Variants in TBCD observed in about 807,000 individuals in gnomAD.
TBCD encodes tubulin folding cofactor D, also known as tubulin-specific chaperone D.
Under a neutral mutation model 169.3 loss-of-function variants are expected in TBCD, and 105 were observed. The ratio of observed to expected loss-of-function variants is 0.62; its 90% CI spans 0.53 to 0.73. The LOEUF (loss-of-function observed/expected upper bound fraction) is 0.73, where lower values mean the gene tolerates loss of function less well. Among genes scored for constraint, TBCD ranks in the 30% least tolerant of loss-of-function variants. The pLI is 0.00. For synonymous variants in TBCD, 700 were observed against 643.9 expected (o/e 1.09, Z -1.32); for missense variants, 1,444 against 1,600.1 (o/e 0.90, Z 1.66).
chr17:82,886,559 A>C (rs1291353618), intron 15 of TBCD, among the ~76,000 whole-genome samples: 1 of 148,524 alleles, frequency 6.7e-6, no homozygotes, highest in Admixed American at 6.9e-5. Flanking sequence ...TTCTTCCAGC[A>C]TTTCGTTTGA....
At chr17:82,805,839 T>C in intron 9 of TBCD, 36 bp from the exon 10 acceptor site, 1 of 1,583,424 alleles carries the variant, frequency 6.3e-7, no homozygotes, top group Non-Finnish European at 8.6e-7. Context: ...TGCTGTGAGC[T>C]ACAAAGCTGA....
chr17:82,771,698 C>T (rs776648880), intron 5 of TBCD, among the ~76,000 whole-genome samples: 14 of 152,068 alleles, frequency 9.2e-5, no homozygotes, highest in East Asian at 1.9e-4. Flanking sequence ...GGATTACAGG[C>T]GTGAGCCGCA....
chr17:82,928,187 G>A (rs1475430365), intron 30 of TBCD, among the ~76,000 whole-genome samples, 199 bp downstream of exon 30: 2 of 152,148 alleles, frequency 1.3e-5, no homozygotes, highest in African/African-American at 4.8e-5. Context: ...CGTGAGCTGG[G>A]GCCCATCCTC....
chr17:82,770,400 G>A (rs540879860), intron 5 of TBCD, among the ~76,000 whole-genome samples: 1 of 151,792 alleles, frequency 6.6e-6, no homozygotes, highest in Non-Finnish European at 1.5e-5. Flanking sequence ...AGGAATTCGA[G>A]ACCAGCCTGA....
chr17:82,927,370 A>G, intron 29 of TBCD, 47 bp downstream of exon 29: 1 of 1,584,236 alleles, frequency 6.3e-7, no homozygotes, highest in Non-Finnish European at 8.6e-7. Context: ...AAGCCCATCT[A>G]TTCCGTGGAA....
Position 82,889,968 on chromosome 17 carries a change from G to A in TBCD, c.1563+271G>A, listed in dbSNP as rs1010621803. ...CCACATAATGTGGCTCTGCAGGGTGGGGCGGGTCCCTGGGACCAGCCTGGC... is the reference window on the plus strand; with the variant it reads ...CCACATAATGTGGCTCTGCAGGGTGAGGCGGGTCCCTGGGACCAGCCTGGC... On this transcript the variant is annotated intron_variant, in intron 16 of 38. Coordinates refer to ENST00000355528, the MANE Select transcript of TBCD (RefSeq NM_005993.5). This position sits in a 1 kb window ranked among gnomAD's most constrained non-coding sequence, Gnocchi z 5.3. Among the ~76,000 whole-genome samples, 3 of 152,234 alleles carry A rather than the reference G, an allele frequency of 2.0e-5. No individual in the cohort carries two copies. The highest frequency in any genetic ancestry group is 4.4e-5 in the Non-Finnish European group (3 of 68,034).
chr17:82,941,249 C>T (rs563513796), intron 37 of TBCD, 150 bp from the exon 38 acceptor site: 64 of 637,666 alleles, frequency 1.0e-4, no homozygotes, highest in African/African-American at 7.6e-4. Flanking sequence ...GCTCCTGTGA[C>T]GTCTTTTCTG....
At chr17:82,936,818 C>T (rs961599686) in intron 34 of TBCD, among the ~76,000 whole-genome samples, 1 of 152,224 alleles carries the variant, frequency 6.6e-6, no homozygotes, top group Non-Finnish European at 1.5e-5. Flanking sequence ...CAGCCCTTGT[C>T]CCTGCTGCCA....
chr17:82,761,098 T>C (rs1261585382), intron 2 of TBCD, among the ~76,000 whole-genome samples: 1 of 152,116 alleles, frequency 6.6e-6, no homozygotes, highest in African/African-American at 2.4e-5. Context: ...TAGCTGGGAT[T>C]ACAGGCGCCA....
rs570190667 is a variant in TBCD at position 82,833,716 on chromosome 17, T to G, written c.1318+18782T>G. 1.5e-3 allele frequency among the ~76,000 whole-genome samples: 230 copies of G among 152,168 alleles called. 1 individual carries two copies. Among genetic ancestry groups the G allele is most frequent in the African/African-American group, 5.4e-3 (225 of 41,518 alleles). On this transcript the variant is annotated intron_variant, in intron 13 of 38. Coordinates refer to ENST00000355528, the MANE Select transcript of TBCD (RefSeq NM_005993.5). This position sits in a 1 kb window ranked among gnomAD's most constrained non-coding sequence, Gnocchi z 4.7. ...GAGACCAGAGTGAGTAGTATCCGCT[T>G]TAGAGATGGTTGGGTCATGGGAGGA... is the stretch of plus-strand genomic sequence containing the variant.
intron 13 of TBCD, among the ~76,000 whole-genome samples, chr17:82,827,145 A>ATTTT (rs2052923016): frequency 6.6e-6 from 1 of 152,222 alleles, no homozygotes; most frequent in Admixed American, 6.5e-5. Context: ...TAGGAATGGC[A>ATTTT]GAAATTTTGC....
intron 6 of TBCD, among the ~76,000 whole-genome samples, chr17:82,777,442 C>G (rs138650676): frequency 6.6e-6 from 1 of 152,124 alleles, no homozygotes; most frequent in Non-Finnish European, 1.5e-5. Flanking sequence ...GTAGCGGCCC[C>G]GAATGCCAGG....
Position 82,831,181 on chromosome 17 carries a change from T to A in TBCD, c.1318+16247T>A. ...GAGGTCGTACAGGCCTTCGCAGGTC[T>A]GGCTCGTCTGCATGAAGTCGGTGGG... On this transcript the variant is annotated intron_variant, in intron 13 of 38. Coordinates refer to ENST00000355528, the MANE Select transcript of TBCD (RefSeq NM_005993.5). The surrounding 1 kb of genome is among the most constrained non-coding windows in gnomAD (Gnocchi z 4.6). 1 of 1,614,174 alleles carries A rather than the reference T, an allele frequency of 6.2e-7. No individual in the cohort carries two copies. The highest frequency in any genetic ancestry group is 8.5e-7 in the Non-Finnish European group (1 of 1,180,042).
intron 9 of TBCD, among the ~76,000 whole-genome samples, chr17:82,803,676 G>A (rs1008203368): frequency 3.7e-4 from 57 of 152,344 alleles, no homozygotes; most frequent in Non-Finnish European, 5.3e-4. Context: ...TGCCTTGGTT[G>A]CCATCACCTG....
At chr17:82,765,731 T>C (rs567495468) in intron 3 of TBCD, among the ~76,000 whole-genome samples, 9 of 152,326 alleles carry the variant, frequency 5.9e-5, no homozygotes, top group African/African-American at 2.2e-4. Flanking sequence ...TTATTCCTCA[T>C]AAATGTCAGA....
intron 14 of TBCD, among the ~76,000 whole-genome samples, chr17:82,881,791 A>G (rs1350560060): frequency 6.6e-6 from 1 of 152,046 alleles, no homozygotes; most frequent in Admixed American, 6.5e-5. Flanking sequence ...GATGCTTCCT[A>G]TGTTTATGCT....
intron 13 of TBCD, among the ~76,000 whole-genome samples, chr17:82,849,810 G>A (rs890703063): frequency 6.6e-6 from 1 of 152,250 alleles, no homozygotes; most frequent in Non-Finnish European, 1.5e-5. Flanking sequence ...GGTAGTCCTC[G>A]GAGAGGGCTG....
rs572530873 is a variant in TBCD at position 82,840,819 on chromosome 17, G to A, written c.1318+25885G>A. ...CGCACCCCAGTTGTAGCGAAGGCTG[G>A]CATGTGGTGTCGGTTTGAGGACTGG... is the stretch of plus-strand genomic sequence containing the variant. On this transcript the variant is annotated intron_variant, in intron 13 of 38. Transcript: ENST00000355528. 4.9e-4 allele frequency among the ~76,000 whole-genome samples: 75 copies of A among 152,304 alleles called. 1 individual carries two copies. The Middle Eastern group carries it at 0.01, about 21-fold the overall frequency.
At chr17:82,924,895 T>C in intron 26 of TBCD, 44 bp from the exon 27 acceptor site, 2 of 1,491,796 alleles carry the variant, frequency 1.3e-6, no homozygotes, top group Admixed American at 2.0e-5. Flanking sequence ...CTGTACACGA[T>C]GGGCAGCAGA....
Sources: allele counts gnomAD v4.1 joint callset (sites outside exome capture counted in the v4.1 genomes callset), GRCh38; gene constraint gnomAD v4.1.1; non-coding constraint Gnocchi (gnomAD v3.1); transcripts MANE v1.5; gene names NCBI Gene and HGNC (gene_info 2026-07-23, HGNC 2026-07-21).